Variants in MGAM observed in about 807,000 individuals in gnomAD.
The protein encoded by MGAM is alpha-1,4-glucosidase.
Under a neutral mutation model 358.8 loss-of-function variants are expected in MGAM, and 253 were observed. The observed-to-expected ratio is 0.71, with a 90% CI of 0.64 to 0.78. The LOEUF (loss-of-function observed/expected upper bound fraction) is 0.78. Among genes scored for constraint, MGAM ranks in the 30% least tolerant of loss-of-function variants. The pLI is 0.00. For missense variants in MGAM, 3,080 were observed against 3,432.6 expected (o/e 0.90, Z 2.57); for synonymous variants, 1,105 against 1,227.1 (o/e 0.90, Z 2.08).
intron 46 of MGAM, 112 bp from the exon 47 acceptor site, chr7:142,076,547 G>A: frequency 9.9e-7 from 1 of 1,011,972 alleles, no homozygotes; most frequent in Non-Finnish European, 1.5e-6. Context: ...AAAGCAGAGA[G>A]GCATTCATGG....
chr7:142,001,167 T>C (rs1274699767), intron 1 of MGAM, among the ~76,000 whole-genome samples: 1 of 152,220 alleles, frequency 6.6e-6, no homozygotes, highest in Non-Finnish European at 1.5e-5. Context: ...GAGATAGTGG[T>C]GACAGTCATG....
At chr7:142,095,758 G>T (rs1815850631) in intron 64 of MGAM, 45 bp downstream of exon 64, 1 of 1,606,044 alleles carries the variant, frequency 6.2e-7, no homozygotes, top group African/African-American at 1.3e-5. Flanking sequence ...ATGACTTATT[G>T]CATTCTATAT....
At position 142,063,498 on chromosome 7, in the gene MGAM, G is replaced by A; in HGVS notation, c.4258-1G>A. 1 of 1,613,162 alleles carries A rather than the reference G, an allele frequency of 6.2e-7. No individual in the cohort carries two copies. Among genetic ancestry groups the A allele is most frequent in the Non-Finnish European group, 8.5e-7 (1 of 1,179,546 alleles). On this transcript the variant is annotated splice_acceptor_variant, in intron 35 of 70. Transcript: ENST00000475668. LOFTEE classifies it high-confidence loss of function. Reference sequence around the variant, plus strand: ...GGTATGTCTGTGTTTGGCATTTCTAGGATATGAATGAACCATCAAGCTTCG... The same window carrying A: ...GGTATGTCTGTGTTTGGCATTTCTAAGATATGAATGAACCATCAAGCTTCG...
Position 142,066,136 on chromosome 7 carries a change from A to AT in MGAM, c.4770+311dup, listed in dbSNP as rs1812733734. Among the ~76,000 whole-genome samples, 3 of 143,516 alleles carry AT rather than the reference A, an allele frequency of 2.1e-5. 1 individual carries two copies. Among genetic ancestry groups the AT allele is most frequent in the Non-Finnish European group, 4.7e-5 (3 of 63,536 alleles). The allele number at this position is 143,516 out of a possible 152,430, so 94.2% of individuals were successfully genotyped here. ...TCCCAGCGTGGCTACCTAATTTTTGATTTTTTGTAGAAATGGGATCTTGCC... is the reference window on the plus strand; with the variant it reads ...TCCCAGCGTGGCTACCTAATTTTTGATTTTTTTGTAGAAATGGGATCTTGCC... On this transcript the variant is annotated intron_variant, in intron 40 of 70. Coordinates refer to ENST00000475668, the MANE Select transcript of MGAM (RefSeq NM_001365693.1).
In MGAM at chr7:142,052,772, C is replaced by T. The variant is rs1350995449; in HGVS notation, c.2959-12C>T. On this transcript the variant is annotated splice_polypyrimidine_tract_variant and intron_variant, in intron 25 of 70. Transcript: ENST00000475668. ...TGCTGTGCTGATCTATGACTTTGGC[C>T]TTACTTTTCAGGCATCCAATTCTTC... is the stretch of plus-strand genomic sequence containing the variant. 1 of 1,613,702 alleles carries T rather than the reference C, an allele frequency of 6.2e-7. No individual in the cohort carries two copies. The highest frequency in any genetic ancestry group is 1.3e-5 in the African/African-American group (1 of 74,988).
At position 142,052,959 on chromosome 7, in the gene MGAM, A is replaced by T; in HGVS notation, c.3134A>T (p.His1045Leu). 1 of 1,613,854 alleles carries T rather than the reference A, an allele frequency of 6.2e-7. No individual in the cohort carries two copies. The highest frequency in any genetic ancestry group is 8.5e-7 in the Non-Finnish European group (1 of 1,179,816). ...CCCCTTCGCCTGGATGTCACTTACC[A>T]TAAGAATGAAATGCTGCAGTTCAAG... ...VNPLRLDVTY[H>L]KNEMLQFKIY... The change falls in exon 26 of 71, where the codon CAT becomes CTT. Residue 1045 changes from histidine (H) to leucine (L), a missense_variant. This residue lies in a region of MGAM where 1,816 missense variants were observed against 1,840.5 expected (regional missense o/e 0.99). Coordinates refer to ENST00000475668, the MANE Select transcript of MGAM (RefSeq NM_001365693.1).
At position 142,103,448 on chromosome 7, in the gene MGAM, C is replaced by A; in HGVS notation, c.8184+9C>A. ...ATGACCCCACGACACAGGTTTGTGA[C>A]CAGCAAAAAGTGCGAATGGTATTCT... On this transcript the variant is annotated intron_variant, in intron 70 of 70. Coordinates refer to ENST00000475668, the MANE Select transcript of MGAM (RefSeq NM_001365693.1). The A allele has an allele frequency of 6.3e-7, 1 of 1,585,918 alleles. No homozygotes were observed.
chr7:142,020,204 T>TGGACTGTTG (rs1554458016), intron 4 of MGAM, among the ~76,000 whole-genome samples: 1 of 152,190 alleles, frequency 6.6e-6, no homozygotes, highest in Non-Finnish European at 1.5e-5. Flanking sequence ...CTTGGCCTGA[T>TGGACTGTTG]GGACTGTTGC....
intron 34 of MGAM, among the ~76,000 whole-genome samples, chr7:142,061,198 G>T (rs890794475): frequency 2.0e-5 from 3 of 152,172 alleles, no homozygotes; most frequent in Non-Finnish European, 4.4e-5. Flanking sequence ...ACTTAGGGAA[G>T]TTCCTACCTC....
In MGAM at chr7:142,036,953, C is replaced by T. The variant is rs199856344; in HGVS notation, c.2207C>T (p.Thr736Met). ...LFFRAHSRGD[T>M]VARPLLHEFY... ...TTCCGTGCTCACAGCCGAGGGGACA[C>T]GGTGGCCAGGCCCCTTTTGCATGAG... The change falls in exon 18 of 71, where the codon ACG (threonine) becomes ATG (methionine). Residue 736 changes from threonine to methionine, a missense_variant. Thr to Met is a moderately conservative substitution (Grantham distance 81). Transcript: ENST00000475668. 5.1e-5 allele frequency: 83 copies of T among 1,613,364 alleles called. No homozygotes were observed. The highest frequency in any genetic ancestry group is 8.3e-5 in the Admixed American group (5 of 59,948).
In MGAM at chr7:142,047,834, G is replaced by A. The variant is rs767376034; in HGVS notation, c.2548G>A (p.Ala850Thr). ...CATTGCCCTAGATGAGAACAAAGAA[G>A]CAAAAGGAGAACTTTTCTGGGATAA... is the stretch of plus-strand genomic sequence containing the variant. ...LIIALDENKEAKGELFWDNGE... is the reference protein window; with the variant it reads ...LIIALDENKETKGELFWDNGE... Residue 850 changes from alanine (A) to threonine (T), a missense_variant, in exon 22 of 71, where the codon GCA becomes ACA. Physicochemically the swap from Ala to Thr is moderately conservative, Grantham distance 58. Coordinates refer to ENST00000475668, the MANE Select transcript of MGAM (RefSeq NM_001365693.1). 1.9e-6 allele frequency: 3 copies of A among 1,612,524 alleles called. No homozygotes were observed. The highest frequency in any genetic ancestry group is 1.3e-5 in the African/African-American group (1 of 74,994).
intron 2 of MGAM, among the ~76,000 whole-genome samples, chr7:141,988,516 C>A (rs782711127): frequency 3.9e-5 from 6 of 152,062 alleles, no homozygotes; most frequent in Admixed American, 1.3e-4. Flanking sequence ...AGGCGCCCGC[C>A]ACCATGCCTG....
At position 142,085,588 on chromosome 7, in the gene MGAM, G is replaced by C. The variant is rs567176290; in HGVS notation, c.6508-245G>C. Among the ~76,000 whole-genome samples, 23 of 146,230 alleles carry C rather than the reference G, an allele frequency of 1.6e-4. 2 individuals carry two copies. The South Asian group carries it at 5.0e-3, about 32-fold the overall frequency. ...AGTGTTCGTATTTATCCTCAGAATA[G>C]CCATCTTAGAGAGGCATTCTCATCC... On this transcript the variant is annotated intron_variant, in intron 54 of 70. Transcript: ENST00000475668.
chr7:142,089,449 G>A (rs1437197408), intron 57 of MGAM, among the ~76,000 whole-genome samples: 1 of 146,644 alleles, frequency 6.8e-6, no homozygotes, highest in Non-Finnish European at 1.5e-5. Flanking sequence ...ATTCTTGGTA[G>A]ATAGGATAAT....
intron 67 of MGAM, among the ~76,000 whole-genome samples, chr7:142,100,300 C>G (rs1816329509): frequency 6.6e-6 from 1 of 152,126 alleles, no homozygotes; most frequent in Non-Finnish European, 1.5e-5. Context: ...AGCAAAAAGG[C>G]TAAGTGATTT....
chr7:142,014,372 G>A lies in MGAM; in HGVS notation c.328-4827G>A, dbSNP rs1444866833. On this transcript the variant is annotated intron_variant, in intron 3 of 70. Coordinates refer to ENST00000475668, the MANE Select transcript of MGAM (RefSeq NM_001365693.1). ...ATGAAAGCTTGAAAAATAATGACAC[G>A]TTTGGGACTTGATAAAAGATAGGGA... 4.6e-5 allele frequency among the ~76,000 whole-genome samples: 7 copies of A among 152,044 alleles called. No individual in the cohort carries two copies. The East Asian group carries it at 5.8e-4, about 13-fold the overall frequency.
intron 20 of MGAM, 66 bp downstream of exon 20, chr7:142,040,237 T>C: frequency 7.9e-7 from 1 of 1,269,638 alleles, no homozygotes. Context: ...ACAAGCTACC[T>C]TTCTGGAGAG....
At chr7:142,078,783 C>T in intron 48 of MGAM, 25 bp from the exon 49 acceptor site, 1 of 1,533,116 alleles carries the variant, frequency 6.5e-7, no homozygotes, top group South Asian at 1.1e-5. Context: ...CTGTGCTGAT[C>T]TATGACTTTG....
chr7:142,078,615 T>TGG (rs1267684923), intron 48 of MGAM, 145 bp downstream of exon 48: 2 of 1,093,052 alleles, frequency 1.8e-6, no homozygotes, highest in Non-Finnish European at 2.5e-6. Context: ...GACAAGTAGG[T>TGG]GGGGACATGT....
Sources: allele counts gnomAD v4.1 joint callset (sites outside exome capture counted in the v4.1 genomes callset), GRCh38; gene constraint gnomAD v4.1.1; regional missense constraint gnomAD v4.1.1; transcripts MANE v1.5; gene names NCBI Gene and HGNC (gene_info 2026-07-23, HGNC 2026-07-21).